Variants in SLC6A17 observed in about 807,000 individuals in gnomAD.
The protein encoded by SLC6A17 is sodium-dependent neutral amino acid transporter SLC6A17.
Under a neutral mutation model 64.5 loss-of-function variants are expected in SLC6A17, and 21 were observed. That is an observed-to-expected ratio of 0.33 (90% CI 0.23 to 0.47). The LOEUF is 0.47. Among genes scored for constraint, SLC6A17 ranks in the 20% least tolerant of loss-of-function variants. The pLI is 1.00. For missense variants in SLC6A17, 682 were observed against 963.2 expected (o/e 0.71, Z 3.86); for synonymous variants, 372 against 399.5 (o/e 0.93, Z 0.82).
In SLC6A17 at chr1:110,191,989, C is replaced by T. The variant is rs1228478261; in HGVS notation, c.882C>T (p.Asp294=). 7.4e-6 allele frequency: 12 copies of T among 1,613,834 alleles called. No homozygotes were observed. The highest frequency in any genetic ancestry group is 4.0e-5 in the African/African-American group (3 of 74,906). The change falls in exon 7 of 12, where the codon GAC becomes GAT. Residue 294 remains aspartate, a synonymous_variant. Coordinates refer to ENST00000331565, the MANE Select transcript of SLC6A17 (RefSeq NM_001010898.4). ...MFTPKLDKML[D]PQVWREAATQ... is the part of the protein sequence containing the mutation. ...TGCCATAGCTGGACAAGATGCTGGA[C>T]CCCCAGGTGTGGCGGGAGGCAGCTA... is the stretch of plus-strand genomic sequence containing the variant.
At position 110,174,861 on chromosome 1, in the gene SLC6A17, G is replaced by A. The variant is rs142547110; in HGVS notation, c.654G>A (p.Ser218=). 27 of 1,614,180 alleles carry A rather than the reference G, an allele frequency of 1.7e-5. No individual in the cohort carries two copies. The highest frequency in any genetic ancestry group is 6.7e-5 in the Admixed American group (4 of 60,024). Residue 218 remains serine, a synonymous_variant, in exon 5 of 12, where the codon TCG becomes TCA. Transcript: ENST00000331565. The part of the protein sequence containing the change: ...REALDISDSI[S]ESGGLNWKMT... ...CCTTGGACATCTCTGACTCCATCTC[G>A]GAGAGTGGGGGCCTCAACTGGAAGA...
At chr1:110,175,204 T>A (rs1053328565) in intron 5 of SLC6A17, among the ~76,000 whole-genome samples, 3 of 152,166 alleles carry the variant, frequency 2.0e-5, no homozygotes, top group Non-Finnish European at 4.4e-5. Context: ...GATAACTCAG[T>A]CCTGCTCTAA....
chr1:110,196,795 G>A (rs150957050), intron 10 of SLC6A17, among the ~76,000 whole-genome samples: 45 of 152,212 alleles, frequency 3.0e-4, no homozygotes, highest in Middle Eastern at 3.4e-3. Context: ...GAAAATCAGC[G>A]ATGACTCAAT....
chr1:110,155,802 C>T (rs1456781706), intron 1 of SLC6A17, among the ~76,000 whole-genome samples: 3 of 152,226 alleles, frequency 2.0e-5, no homozygotes, highest in Admixed American at 2.0e-4. Flanking sequence ...AAGTGGAATT[C>T]ACTGGTCCAC....
intron 5 of SLC6A17, among the ~76,000 whole-genome samples, chr1:110,175,242 G>C (rs1334524205): frequency 1.3e-5 from 2 of 152,210 alleles, no homozygotes; most frequent in African/African-American, 2.4e-5. Context: ...AGGAAAACTA[G>C]AAGTATTGAC....
rs1159332141 is a variant in SLC6A17 at position 110,198,070 on chromosome 1, C to T, written c.1816-6C>T. On this transcript the variant is annotated splice_region_variant and splice_polypyrimidine_tract_variant and intron_variant, in intron 11 of 11. Coordinates refer to ENST00000331565, the MANE Select transcript of SLC6A17 (RefSeq NM_001010898.4). ...GGCAGCAGCCCTTAAGGCAGCCCAC[C>T]CGCAGGCTGCCGAGCGCTACCTGTA... 22 of 1,606,798 alleles carry T rather than the reference C, an allele frequency of 1.4e-5. No individual in the cohort carries two copies. The highest frequency in any genetic ancestry group is 1.8e-5 in the Non-Finnish European group (21 of 1,176,610).
chr1:110,195,548 C>T (rs1326204581), intron 9 of SLC6A17, 38 bp from the exon 10 acceptor site: 2 of 1,610,770 alleles, frequency 1.2e-6, no homozygotes, highest in South Asian at 2.2e-5. Context: ...GCCCACCCTG[C>T]ACCTTTGCCC....
intron 1 of SLC6A17, among the ~76,000 whole-genome samples, chr1:110,162,604 T>A (rs1378412188): frequency 6.6e-6 from 1 of 152,194 alleles, no homozygotes; most frequent in Non-Finnish European, 1.5e-5. Context: ...CTGATCCTGA[T>A]GCTTCTCCCA....
At chr1:110,158,969 G>A (rs1277992257) in intron 1 of SLC6A17, among the ~76,000 whole-genome samples, 2 of 152,190 alleles carry the variant, frequency 1.3e-5, no homozygotes, top group Non-Finnish European at 2.9e-5. Context: ...TCAAGAAAGT[G>A]CCAGCATCAA....
intron 1 of SLC6A17, among the ~76,000 whole-genome samples, chr1:110,155,792 A>T (rs1655741793): frequency 6.6e-6 from 1 of 152,218 alleles, no homozygotes; most frequent in African/African-American, 2.4e-5. Flanking sequence ...TTTTGCTTGC[A>T]AGTGGAATTC....
At position 110,200,234 on chromosome 1, in the gene SLC6A17, C is replaced by T. The variant is rs1250626873; in HGVS notation, c.*1790C>T. On this transcript the variant is annotated 3_prime_UTR_variant, in exon 12 of 12. Coordinates refer to ENST00000331565, the MANE Select transcript of SLC6A17 (RefSeq NM_001010898.4). ...TCTATCCCCCAACCCTGCCATCTCC[C>T]TTACTCATCCCTCTTCCACAGCTTC... 1 of 397,292 alleles carries T rather than the reference C, an allele frequency of 2.5e-6. No individual in the cohort carries two copies. Among genetic ancestry groups the T allele is most frequent in the Non-Finnish European group, 4.4e-6 (1 of 225,772 alleles). 24.6% of individuals were successfully genotyped at this position (397,292 alleles called of 1,614,324 possible).
At chr1:110,194,478 G>A in intron 8 of SLC6A17, 101 bp from the exon 9 acceptor site, 1 of 1,277,236 alleles carries the variant, frequency 7.8e-7, no homozygotes, top group Non-Finnish European at 1.1e-6. Flanking sequence ...CTGTGAAAGA[G>A]GGAATAGTTA....
chr1:110,198,225 C>T lies in SLC6A17; in HGVS notation c.1965C>T (p.Tyr655=), dbSNP rs1330972406. 3 of 1,614,182 alleles carry T rather than the reference C, an allele frequency of 1.9e-6. No homozygotes were observed. Among genetic ancestry groups the T allele is most frequent in the Non-Finnish European group, 2.5e-6 (3 of 1,180,024 alleles). Residue 655 remains tyrosine (Y), a synonymous_variant, in exon 12 of 12, where the codon TAC becomes TAT. Transcript: ENST00000331565. ...GCTCCAACACCCTCTCCGTGTCCTA[C>T]AAGAAGGGCCGCATGATGAAGGACA... ...SDGSNTLSVS[Y]KKGRMMKDIS...
chr1:110,195,397 C>G (rs138916248), intron 9 of SLC6A17, among the ~76,000 whole-genome samples, 189 bp from the exon 10 acceptor site: 332 of 152,354 alleles, frequency 2.2e-3, no homozygotes, highest in Middle Eastern at 6.8e-3. Context: ...AGGTGCTCCC[C>G]GACTAGTAGA....
intron 2 of SLC6A17, among the ~76,000 whole-genome samples, chr1:110,169,880 T>G (rs1424881371): frequency 6.6e-6 from 1 of 152,226 alleles, no homozygotes; most frequent in Non-Finnish European, 1.5e-5. Context: ...CCACAAATTC[T>G]GCCTATCTTG....
intron 3 of SLC6A17, 60 bp from the exon 4 acceptor site, chr1:110,173,905 GGGTGGAGC>G: frequency 6.4e-7 from 1 of 1,574,708 alleles, no homozygotes; most frequent in South Asian, 1.2e-5. Flanking sequence ...GCTGGGCCTC[GGGTGGAGC>G]GTGGGGGCAG....
intron 10 of SLC6A17, 69 bp from the exon 11 acceptor site, chr1:110,197,368 T>A (rs897254011): frequency 8.9e-5 from 136 of 1,535,706 alleles, no homozygotes; most frequent in Admixed American, 3.0e-4. Flanking sequence ...CTGGAGGAGA[T>A]GGTGATGGGG....
rs1180841860 is a variant in SLC6A17 at position 110,198,419 on chromosome 1, C to T, written c.2159C>T (p.Ala720Val). 1 of 1,612,236 alleles carries T rather than the reference C, an allele frequency of 6.2e-7. No homozygotes were observed. The highest frequency in any genetic ancestry group is 2.2e-5 in the East Asian group (1 of 44,866). The change falls in exon 12 of 12, where the codon GCC (alanine) becomes GTC (valine). Residue 720 changes from alanine to valine, a missense_variant. Transcript: ENST00000331565. ...CGCTATGGGAGCGGCTACCTGCTGG[C>T]CAGCACCCCTGAGTCGGAGCTGTGA... ...NGRYGSGYLL[A>V]STPESEL
intron 6 of SLC6A17, among the ~76,000 whole-genome samples, chr1:110,184,331 T>C (rs1656621883): frequency 6.6e-6 from 1 of 152,158 alleles, no homozygotes; most frequent in African/African-American, 2.4e-5. Flanking sequence ...GGTCTCGATC[T>C]CCTGACCTTG....
Sources: gnomAD v4.1 joint callset for allele counts (sites outside exome capture counted in the v4.1 genomes callset) on GRCh38, gnomAD v4.1.1 for gene constraint, MANE v1.5 for transcripts, NCBI Gene and HGNC (gene_info 2026-07-23, HGNC 2026-07-21) for gene names.